The following CORO2A variants were observed in gnomAD, a reference collection of about 807,000 sequenced individuals.
The protein encoded by CORO2A is coronin 2A, also known as coronin-2A.
CORO2A carries 47 observed loss-of-function variants against 62.4 expected under a neutral mutation model. That is an observed-to-expected ratio of 0.75 (90% CI 0.60 to 0.96). The LOEUF (loss-of-function observed/expected upper bound fraction) is 0.96. Ranked by LOEUF, CORO2A falls within the 40% of genes least tolerant of loss-of-function variation. The probability of loss-of-function intolerance (pLI) is 0.00; values close to 1 mark genes in which losing one functional copy is unlikely to be tolerated. For synonymous variants in CORO2A, 273 were observed against 268.9 expected, an observed-to-expected ratio of 1.02 and a Z score of -0.15; for missense variants, 610 against 684.1, an observed-to-expected ratio of 0.89 and a Z score of 1.21.
At position 98,121,424 on chromosome 9, in the gene CORO2A, T is replaced by C. The variant is rs45514293; in HGVS notation, c.*3350A>G. Reference sequence around the variant, plus strand: ...CAAGAACATAAACAAAAATGTAATTTAAAAAACAGATGGTTTAAAAAAATA... The same window carrying C: ...CAAGAACATAAACAAAAATGTAATTCAAAAAACAGATGGTTTAAAAAAATA... On this transcript the variant is annotated 3_prime_UTR_variant, in exon 12 of 12. Coordinates refer to ENST00000375077, the MANE Select transcript of CORO2A (RefSeq NM_052820.4). 1 of 145,338 alleles carries C rather than the reference T, an allele frequency of 6.9e-6. No individual in the cohort carries two copies. Among genetic ancestry groups the C allele is most frequent in the Admixed American group, 7.0e-5 (1 of 14,278 alleles). The allele number at this position is 145,338 out of a possible 1,614,324, so 9.0% of individuals were successfully genotyped here. A position where few individuals can be genotyped will look rare whatever the true frequency, so the allele number is the denominator to read the frequency against.
Position 98,163,741 on chromosome 9 carries a change from T to TGTGA in CORO2A, c.1-6082_1-6081insTCAC, listed in dbSNP as rs1253283361. Among the ~76,000 whole-genome samples the TGTGA allele has an allele frequency of 3.4e-3, 473 of 139,618 alleles. 1 individual carries two copies. The highest frequency in any genetic ancestry group is 0.01 in the African/African-American group (373 of 35,576). 91.6% of individuals were successfully genotyped at this position (139,618 alleles called of 152,430 possible). Reference sequence around the variant, plus strand: ...GTGTGTGTGTGTGTATGTGTGTGTGTGAGAGAGAGAGAGAGAGAGAGAGAG... The same window carrying TGTGA: ...GTGTGTGTGTGTGTATGTGTGTGTGTGTGAGAGAGAGAGAGAGAGAGAGAGAGAG... On this transcript the variant is annotated intron_variant, in intron 1 of 11. Transcript: ENST00000375077.
At chr9:98,140,151 C>T (rs1827546125) in intron 2 of CORO2A, among the ~76,000 whole-genome samples, 1 of 152,100 alleles carries the variant, frequency 6.6e-6, no homozygotes, top group Non-Finnish European at 1.5e-5. Context: ...GGTTCTTGAG[C>T]CACCCACCAG....
intron 6 of CORO2A, among the ~76,000 whole-genome samples, chr9:98,131,781 G>C (rs1827412628): frequency 6.6e-6 from 1 of 152,144 alleles, no homozygotes; most frequent in Non-Finnish European, 1.5e-5. Context: ...CCGCCAGCTT[G>C]GCCCTCACCC....
intron 4 of CORO2A, among the ~76,000 whole-genome samples, chr9:98,133,921 AT>A (rs1827447438): frequency 6.6e-6 from 1 of 150,898 alleles, no homozygotes; most frequent in Admixed American, 6.6e-5. Context: ...CACCTGGCTA[AT>A]TTTTTCTATT....
At chr9:98,191,245 C>T (rs1235062722) in intron 1 of CORO2A, among the ~76,000 whole-genome samples, 1 of 140,120 alleles carries the variant, frequency 7.1e-6, no homozygotes, top group Non-Finnish European at 1.6e-5. Context: ...CACTCCGGAC[C>T]TCTCAGACGG....
At chr9:98,168,495 T>C (rs556622792) in intron 1 of CORO2A, among the ~76,000 whole-genome samples, 4 of 152,340 alleles carry the variant, frequency 2.6e-5, no homozygotes, top group Admixed American at 1.3e-4. Context: ...ACAGAGAGGT[T>C]ATATAACTTG....
At chr9:98,146,256 C>T (rs1180996403) in intron 2 of CORO2A, among the ~76,000 whole-genome samples, 1 of 152,258 alleles carries the variant, frequency 6.6e-6, no homozygotes, top group African/African-American at 2.4e-5. Context: ...GCAGGCTGGG[C>T]CCCAGGCTCA....
At chr9:98,162,658 G>A (rs560251694) in intron 1 of CORO2A, among the ~76,000 whole-genome samples, 3 of 152,352 alleles carry the variant, frequency 2.0e-5, no homozygotes, top group South Asian at 4.1e-4. Context: ...CGTACTGTGT[G>A]TGCACAAGAA....
At chr9:98,131,499 G>A (rs2118805405) in intron 6 of CORO2A, among the ~76,000 whole-genome samples, 1 of 151,964 alleles carries the variant, frequency 6.6e-6, no homozygotes, top group East Asian at 1.9e-4. Context: ...CTGATTTTTT[G>A]CAGAGATGGG....
chr9:98,126,607 G>T lies in CORO2A; in HGVS notation c.1388C>A (p.Thr463Asn). Residue 463 changes from threonine to asparagine, a missense_variant, in exon 11 of 12, where the codon ACC becomes AAC. Thr to Asn is a moderately conservative substitution (Grantham distance 65, BLOSUM62 0). Coordinates refer to ENST00000375077, the MANE Select transcript of CORO2A (RefSeq NM_052820.4). ...AAEHRLEEKK[T>N]WLTNGFDVFE... ...AACGTCAAAGCCATTTGTCAGCCAG[G>T]TTTTCTTCTCCTCCAGCCTGTGTTC... The T allele has an allele frequency of 6.2e-7, 1 of 1,614,098 alleles. No homozygotes were observed. Among genetic ancestry groups the T allele is most frequent in the Non-Finnish European group, 8.5e-7 (1 of 1,180,020 alleles).
intron 2 of CORO2A, among the ~76,000 whole-genome samples, chr9:98,150,772 G>A (rs1827712491): frequency 6.6e-6 from 1 of 152,210 alleles, no homozygotes; most frequent in Non-Finnish European, 1.5e-5. Flanking sequence ...AAGCTTGGAA[G>A]AAACAAGTAG....
At chr9:98,143,544 G>A (rs1827603677) in intron 2 of CORO2A, among the ~76,000 whole-genome samples, 1 of 152,180 alleles carries the variant, frequency 6.6e-6, no homozygotes, top group African/African-American at 2.4e-5. Context: ...CCTTGGGCAA[G>A]TGACCTCAGT....
rs80207665 is a variant in CORO2A, at chr9:98,149,342, C to T, written c.201+8118G>A. Among the ~76,000 whole-genome samples, 289 of 152,336 alleles carry T rather than the reference C, an allele frequency of 1.9e-3. 2 individuals are homozygous for T. The highest frequency in any genetic ancestry group is 6.8e-3 in the African/African-American group (281 of 41,576). The stretch of plus-strand genomic sequence containing the variant: ...ATTCCCTGGCCCCACTTCAGACCCA[C>T]TACATCAGAATCTGTGTTGTAACAC... On this transcript the variant is annotated intron_variant, in intron 2 of 11. Coordinates refer to ENST00000375077, the MANE Select transcript of CORO2A (RefSeq NM_052820.4).
intron 2 of CORO2A, among the ~76,000 whole-genome samples, chr9:98,154,420 TA>T (rs986769413): frequency 2.1e-4 from 31 of 149,096 alleles, no homozygotes; most frequent in Non-Finnish European, 4.2e-4. Context: ...GCAAAAAGTG[TA>T]AAGAATGAAA....
intron 1 of CORO2A, among the ~76,000 whole-genome samples, chr9:98,174,697 T>C (rs56916178): frequency 0.13 from 19,134 of 152,066 alleles, 1,259 homozygotes; most frequent in Middle Eastern, 0.16. Flanking sequence ...CTGCGAGTTA[T>C]CTCCCTCCTG....
intron 1 of CORO2A, among the ~76,000 whole-genome samples, chr9:98,164,013 C>T (rs140773298): frequency 0.014 from 2,168 of 152,240 alleles, 15 homozygotes; most frequent in Non-Finnish European, 0.024. Context: ...CTACCAGTGC[C>T]CCTTCGTAAA....
chr9:98,166,305 G>C (rs1184109575), intron 1 of CORO2A, among the ~76,000 whole-genome samples: 1 of 152,134 alleles, frequency 6.6e-6, no homozygotes, highest in Admixed American at 6.5e-5. Context: ...ATTGGGCTTG[G>C]CAATGATTCC....
At chr9:98,179,697 C>T (rs990348598) in intron 1 of CORO2A, among the ~76,000 whole-genome samples, 10 of 152,072 alleles carry the variant, frequency 6.6e-5, no homozygotes, top group Admixed American at 5.2e-4. Context: ...TCAGGAAGTG[C>T]ATTTTCAACA....
Position 98,124,510 on chromosome 9 carries a change from C to A in CORO2A, c.*264G>T. On this transcript the variant is annotated 3_prime_UTR_variant, in exon 12 of 12. Transcript: ENST00000375077. ...TGTGTTCTTTCCTCTTGAGAAGTTACAGCTCATCATGGGCCCTTAATAACA... is the reference window on the plus strand; with the variant it reads ...TGTGTTCTTTCCTCTTGAGAAGTTAAAGCTCATCATGGGCCCTTAATAACA... 1 of 290,610 alleles carries A rather than the reference C, an allele frequency of 3.4e-6. No homozygotes were observed. Among genetic ancestry groups the A allele is most frequent in the South Asian group, 7.7e-5 (1 of 13,060 alleles). 18.0% of individuals were successfully genotyped at this position (290,610 alleles called of 1,614,324 possible). A position where few individuals can be genotyped will look rare whatever the true frequency, so the allele number is the denominator to read the frequency against.
Sources: gnomAD v4.1 joint callset for allele counts (sites outside exome capture counted in the v4.1 genomes callset) on GRCh38, gnomAD v4.1.1 for gene constraint, MANE v1.5 for transcripts, NCBI Gene and HGNC (gene_info 2026-07-23, HGNC 2026-07-21) for gene names.